ARHGAP28: variants seen among roughly 807,000 people sequenced by gnomAD.
The protein encoded by ARHGAP28 is rho GTPase-activating protein 28.
Under a neutral mutation model 90.7 loss-of-function variants are expected in ARHGAP28, and 56 were observed. That is an observed-to-expected ratio of 0.62 (90% CI 0.50 to 0.77). The LOEUF is 0.77. Ranked by LOEUF, ARHGAP28 falls within the 30% of genes least tolerant of loss-of-function variation. The probability of loss-of-function intolerance (pLI) is 0.00; values close to 1 mark genes in which losing one functional copy is unlikely to be tolerated. For synonymous variants in ARHGAP28, 308 were observed against 323.3 expected (o/e 0.95, Z 0.51); for missense variants, 869 against 900.9 (o/e 0.96, Z 0.45).
At chr18:6,873,891 G>C in intron 9 of ARHGAP28, 116 bp downstream of exon 9, 1 of 870,734 alleles carries the variant, frequency 1.1e-6, no homozygotes, top group Non-Finnish European at 1.8e-6. Context: ...GCCCTATTAG[G>C]ACTCAGGCCC....
chr18:6,753,683 G>A (rs1040993982), intron 1 of ARHGAP28, among the ~76,000 whole-genome samples: 4 of 152,178 alleles, frequency 2.6e-5, no homozygotes, highest in African/African-American at 9.7e-5. Context: ...ATTGGTTGAG[G>A]CATTTTATGT....
chr18:6,819,419 A>C lies in ARHGAP28; in HGVS notation c.123-5343A>C, dbSNP rs570550971. Among the ~76,000 whole-genome samples the C allele has an allele frequency of 1.2e-4, 18 of 152,322 alleles. No individual in the cohort carries two copies. The South Asian group carries it at 3.7e-3, about 32-fold the overall frequency. Reference sequence around the variant, plus strand: ...CTGAAGGAGCCAAGTTCCAGGGAAGAAGAACTCTTGTGACATAAGCAGAGC... The same window carrying C: ...CTGAAGGAGCCAAGTTCCAGGGAAGCAGAACTCTTGTGACATAAGCAGAGC... On this transcript the variant is annotated intron_variant, in intron 1 of 17. Transcript: ENST00000383472.
chr18:6,795,010 A>C (rs1347388980), intron 1 of ARHGAP28, among the ~76,000 whole-genome samples: 1 of 152,090 alleles, frequency 6.6e-6, no homozygotes, highest in Non-Finnish European at 1.5e-5. Context: ...TTTTTCTTAG[A>C]TGCATGAAGA....
In ARHGAP28 at chr18:6,873,572, G is replaced by A. The variant is rs758474507; in HGVS notation, c.1118G>A (p.Arg373Gln). 1.2e-5 allele frequency: 20 copies of A among 1,613,084 alleles called. No homozygotes were observed. In the South Asian group the frequency reaches 1.4e-4, roughly 12 times the overall value. The change falls in exon 8 of 18, where the codon CGA becomes CAA. Residue 373 changes from arginine (R) to glutamine (Q), a missense_variant and splice_region_variant. Coordinates refer to ENST00000383472, the MANE Select transcript of ARHGAP28 (RefSeq NM_001366230.1). The part of the protein sequence containing the change: ...KRNKTEKVKG[R>Q]DNGIFGVPLT... ...AACAAAACAGAGAAAGTAAAAGGAC[G>A]AGGTAACTAAGAAGACTGATTGCTT...
At chr18:6,763,281 C>T (rs1282227848) in intron 1 of ARHGAP28, among the ~76,000 whole-genome samples, 4 of 152,024 alleles carry the variant, frequency 2.6e-5, no homozygotes, top group Non-Finnish European at 5.9e-5. Context: ...TGGGGTTTCA[C>T]CACGTTGGCC....
chr18:6,882,385 T>C, intron 11 of ARHGAP28, 86 bp downstream of exon 11: 1 of 1,350,946 alleles, frequency 7.4e-7, no homozygotes, highest in Non-Finnish European at 1.0e-6. Flanking sequence ...TCAAATGTGC[T>C]CATGTATAGA....
chr18:6,763,186 G>A (rs564099724), intron 1 of ARHGAP28, among the ~76,000 whole-genome samples: 1 of 152,160 alleles, frequency 6.6e-6, no homozygotes, highest in South Asian at 2.1e-4. Flanking sequence ...TGCCTCAAGC[G>A]ATTCTCCTGC....
Position 6,889,888 on chromosome 18 carries a change from G to A in ARHGAP28, c.1537G>A (p.Ala513Thr), listed in dbSNP as rs2057250756. The A allele has an allele frequency of 6.2e-7, 1 of 1,613,674 alleles. No homozygotes were observed. Among genetic ancestry groups the A allele is most frequent in the Admixed American group, 1.7e-5 (1 of 60,024 alleles). The change falls in exon 13 of 18, where the codon GCC becomes ACC. Residue 513 changes from alanine to threonine, a missense_variant and splice_region_variant. By Grantham distance (58) the Ala-to-Thr change is moderately conservative. Coordinates refer to ENST00000383472, the MANE Select transcript of ARHGAP28 (RefSeq NM_001366230.1). ...LPDANRDAAQ[A>T]LMTFFNKVIA... ...ATGACACAATGCTGTTTCTTCTTAG[G>A]CCCTCATGACATTCTTCAATAAAGT... is the stretch of plus-strand genomic sequence containing the variant.
rs2057319069 is a variant in ARHGAP28, at chr18:6,898,380, A to G, written c.2030+1754A>G. 4 of 763,510 alleles carry G rather than the reference A, an allele frequency of 5.2e-6. 1 individual carries two copies. Among genetic ancestry groups the G allele is most frequent in the East Asian group, 5.5e-5 (2 of 36,590 alleles). 47.3% of individuals were successfully genotyped at this position (763,510 alleles called of 1,614,324 possible). A position where few individuals can be genotyped will look rare whatever the true frequency, so the allele number is the denominator to read the frequency against. The stretch of plus-strand genomic sequence containing the variant: ...TATACTTCTGACTTGTACATTTTAT[A>G]TATAATATATACACATATACACACA... On this transcript the variant is annotated intron_variant, in intron 16 of 17. Coordinates refer to ENST00000383472, the MANE Select transcript of ARHGAP28 (RefSeq NM_001366230.1).
intron 1 of ARHGAP28, among the ~76,000 whole-genome samples, chr18:6,757,572 T>C (rs1401093229): frequency 6.6e-6 from 1 of 152,202 alleles, no homozygotes; most frequent in African/African-American, 2.4e-5. Context: ...AAGGAGCATT[T>C]GAAGTCGTGG....
At position 6,894,697 on chromosome 18, in the gene ARHGAP28, G is replaced by T. The variant is rs1274888461; in HGVS notation, c.1849-138G>T. ...TAAATGCATAGATGTGGAGCTGTTGGATTAAAGTGCATATACATTTTATAA... is the reference window on the plus strand; with the variant it reads ...TAAATGCATAGATGTGGAGCTGTTGTATTAAAGTGCATATACATTTTATAA... On this transcript the variant is annotated intron_variant, in intron 14 of 17. Transcript: ENST00000383472. 5 of 660,924 alleles carry T rather than the reference G, an allele frequency of 7.6e-6. No homozygotes were observed. In the East Asian group the frequency reaches 1.1e-4, roughly 14 times the overall value. 40.9% of individuals were successfully genotyped at this position (660,924 alleles called of 1,614,324 possible). A position where few individuals can be genotyped will look rare whatever the true frequency, so the allele number is the denominator to read the frequency against.
intron 1 of ARHGAP28, among the ~76,000 whole-genome samples, chr18:6,761,301 T>G (rs1217113837): frequency 4.6e-5 from 7 of 152,200 alleles, no homozygotes. Context: ...ACTTATGGTT[T>G]GTTCTGTTTT....
intron 1 of ARHGAP28, chr18:6,790,317 G>A (rs1265387030): frequency 6.6e-6 from 1 of 152,122 alleles, no homozygotes; most frequent in Admixed American, 6.5e-5. Context: ...TTTAGTAAAA[G>A]TACAAAACTT....
chr18:6,820,893 G>T (rs1169814634), intron 1 of ARHGAP28, among the ~76,000 whole-genome samples: 1 of 152,198 alleles, frequency 6.6e-6, no homozygotes, highest in African/African-American at 2.4e-5. Flanking sequence ...GAATGCGAGA[G>T]AAATGCTCAA....
intron 16 of ARHGAP28, among the ~76,000 whole-genome samples, chr18:6,904,255 G>A (rs1033457126): frequency 2.0e-5 from 3 of 152,096 alleles, no homozygotes; most frequent in Non-Finnish European, 4.4e-5. Flanking sequence ...TTAGCTGGGC[G>A]TGGTGGCGGG....
At chr18:6,880,843 C>T (rs993290236) in intron 10 of ARHGAP28, among the ~76,000 whole-genome samples, 1 of 152,180 alleles carries the variant, frequency 6.6e-6, no homozygotes, top group Non-Finnish European at 1.5e-5. Flanking sequence ...TAGTCCCACC[C>T]ACTAGATTAC....
chr18:6,851,178 T>C (rs2056908266), intron 4 of ARHGAP28, 52 bp downstream of exon 4: 1 of 1,545,788 alleles, frequency 6.5e-7, no homozygotes, highest in African/African-American at 1.4e-5. Context: ...AGCCATTTCT[T>C]CAAGATGGTT....
intron 14 of ARHGAP28, 57 bp downstream of exon 14, chr18:6,890,600 A>T: frequency 9.6e-7 from 1 of 1,046,070 alleles, no homozygotes; most frequent in Non-Finnish European, 1.4e-6. Context: ...TACTCCTCAA[A>T]GGGGGGCACA....
intron 5 of ARHGAP28, among the ~76,000 whole-genome samples, chr18:6,863,090 A>G (rs910725861): frequency 1.1e-4 from 17 of 152,040 alleles, no homozygotes; most frequent in Admixed American, 4.6e-4. Context: ...AATTTTATTG[A>G]CTCAGTATGT....
Sources: allele counts gnomAD v4.1 joint callset (sites outside exome capture counted in the v4.1 genomes callset), GRCh38; gene constraint gnomAD v4.1.1; transcripts MANE v1.5; gene names NCBI Gene and HGNC (gene_info 2026-07-23, HGNC 2026-07-21).